Variants in KCNB2 observed in about 807,000 individuals in gnomAD.
KCNB2 encodes potassium voltage-gated channel subfamily B member 2.
In KCNB2, 15 loss-of-function variants were observed where a neutral mutation model predicts 61.5. The observed-to-expected ratio is 0.24, with a 90% confidence interval of 0.16 to 0.38. KCNB2 has a LOEUF of 0.38. Ranked by LOEUF, KCNB2 falls within the 10% of genes least tolerant of loss-of-function variation. KCNB2 has a pLI of 1.00. For missense variants in KCNB2, 828 were observed against 1,125.2 expected, an observed-to-expected ratio of 0.74 and a Z score of 3.78; for synonymous variants, 457 against 446.0, an observed-to-expected ratio of 1.02 and a Z score of -0.31.
chr8:72,689,372 A>G (rs1006194002), intron 2 of KCNB2, among the ~76,000 whole-genome samples: 1 of 152,220 alleles, frequency 6.6e-6, no homozygotes, highest in Non-Finnish European at 1.5e-5. Flanking sequence ...GAACTTTAAC[A>G]TTTTACATTT....
Position 72,635,166 on chromosome 8 carries a change from C to T in KCNB2, c.579+66853C>T, listed in dbSNP as rs192575627. Among the ~76,000 whole-genome samples the T allele has an allele frequency of 1.2e-3, 176 of 152,302 alleles. 1 individual carries two copies. Among genetic ancestry groups the T allele is most frequent in the Non-Finnish European group, 5.0e-4 (34 of 68,036 alleles). ...GCATTCCTGGGGAGGGAACTGCCTG[C>T]CAGTGGTCCTGATTCTGTGTCTGCT... On this transcript the variant is annotated intron_variant, in intron 2 of 2. Coordinates refer to ENST00000523207, the MANE Select transcript of KCNB2 (RefSeq NM_004770.3).
At chr8:72,595,482 C>T (rs371656678) in intron 2 of KCNB2, among the ~76,000 whole-genome samples, 9 of 151,942 alleles carry the variant, frequency 5.9e-5, no homozygotes, top group South Asian at 2.1e-4. Context: ...TGTGCCACCA[C>T]GCCCAGCTAA....
At chr8:72,541,007 A>AT (rs1563517681) in intron 1 of KCNB2, among the ~76,000 whole-genome samples, 1 of 151,512 alleles carries the variant, frequency 6.6e-6, no homozygotes, top group Admixed American at 6.6e-5. Flanking sequence ...GGGGAAAAAA[A>AT]CTTGAAAAAC....
intron 2 of KCNB2, among the ~76,000 whole-genome samples, chr8:72,679,995 G>T (rs1384822923): frequency 6.6e-6 from 1 of 152,164 alleles, no homozygotes; most frequent in Admixed American, 6.5e-5. Context: ...ATTAAGCTAA[G>T]ATCGATAATG....
chr8:72,711,780 G>A (rs1807331140), intron 2 of KCNB2, among the ~76,000 whole-genome samples: 1 of 151,940 alleles, frequency 6.6e-6, no homozygotes, highest in Non-Finnish European at 1.5e-5. Flanking sequence ...TTGAGGTCAG[G>A]AGTTCAAGAC....
intron 2 of KCNB2, among the ~76,000 whole-genome samples, chr8:72,590,548 A>G (rs1400642932): frequency 6.6e-6 from 1 of 152,206 alleles, no homozygotes; most frequent in Non-Finnish European, 1.5e-5. Context: ...TTTCTATCAG[A>G]GCATAATGAG....
At chr8:72,913,919 A>C (rs1585971759) in intron 2 of KCNB2, among the ~76,000 whole-genome samples, 2 of 152,306 alleles carry the variant, frequency 1.3e-5, no homozygotes, top group Non-Finnish European at 2.9e-5. Context: ...TACTTTCCTA[A>C]GTTTTGACTA....
At chr8:72,799,846 C>T (rs1809093709) in intron 2 of KCNB2, among the ~76,000 whole-genome samples, 1 of 152,106 alleles carries the variant, frequency 6.6e-6, no homozygotes. Flanking sequence ...TAGGAAGAGG[C>T]TGTGTTCAAT....
intron 2 of KCNB2, among the ~76,000 whole-genome samples, chr8:72,685,625 G>T (rs1806837734): frequency 6.6e-6 from 1 of 152,156 alleles, no homozygotes; most frequent in Non-Finnish European, 1.5e-5. Flanking sequence ...GAATGTTGAA[G>T]CTAAGACCTG....
chr8:72,709,338 A>G (rs540541090), intron 2 of KCNB2, among the ~76,000 whole-genome samples: 12 of 152,244 alleles, frequency 7.9e-5, no homozygotes, highest in African/African-American at 2.9e-4. Flanking sequence ...TAACTGTGAA[A>G]TTTGGCTAGC....
At chr8:72,872,418 T>G (rs1302307726) in intron 2 of KCNB2, among the ~76,000 whole-genome samples, 1 of 152,218 alleles carries the variant, frequency 6.6e-6, no homozygotes, top group African/African-American at 2.4e-5. Flanking sequence ...TTCTGCAGTT[T>G]TCTCCCTTCC....
At chr8:72,926,803 T>C (rs1806658629) in intron 2 of KCNB2, among the ~76,000 whole-genome samples, 1 of 152,188 alleles carries the variant, frequency 6.6e-6, no homozygotes, top group Non-Finnish European at 1.5e-5. Flanking sequence ...TTCTTTCCCT[T>C]TGCTGCTGCC....
At chr8:72,686,709 A>G (rs559063576) in intron 2 of KCNB2, among the ~76,000 whole-genome samples, 13 of 152,294 alleles carry the variant, frequency 8.5e-5, no homozygotes, top group African/African-American at 3.1e-4. Flanking sequence ...TGGGTGATAA[A>G]TAATTTTCTA....
At chr8:72,884,808 A>T (rs1428066616) in intron 2 of KCNB2, among the ~76,000 whole-genome samples, 2 of 152,164 alleles carry the variant, frequency 1.3e-5, no homozygotes, top group African/African-American at 4.8e-5. Context: ...CACATGTCTT[A>T]GTCACCAAGA....
At chr8:72,865,396 T>C (rs1805500477) in intron 2 of KCNB2, among the ~76,000 whole-genome samples, 1 of 152,094 alleles carries the variant, frequency 6.6e-6, no homozygotes, top group Admixed American at 6.6e-5. Flanking sequence ...ATCTTATTGT[T>C]CTTTTCCGTT....
chr8:72,873,032 T>G (rs558971896), intron 2 of KCNB2, among the ~76,000 whole-genome samples: 123 of 152,296 alleles, frequency 8.1e-4, no homozygotes, highest in African/African-American at 2.9e-3. Flanking sequence ...TAGACTCCAC[T>G]GTGTGCACCG....
chr8:72,851,946 C>A (rs1810124182), intron 2 of KCNB2, among the ~76,000 whole-genome samples: 1 of 149,968 alleles, frequency 6.7e-6, no homozygotes, highest in South Asian at 2.1e-4. Flanking sequence ...GATAAAAGGG[C>A]ACATAGAGGC....
chr8:72,763,124 T>A (rs1401427255), intron 2 of KCNB2, among the ~76,000 whole-genome samples: 1 of 151,512 alleles, frequency 6.6e-6, no homozygotes, highest in Non-Finnish European at 1.5e-5. Flanking sequence ...GCTGAGGAAC[T>A]GATATCAGGT....
chr8:72,805,385 C>T (rs901426836), intron 2 of KCNB2, among the ~76,000 whole-genome samples: 2 of 152,102 alleles, frequency 1.3e-5, no homozygotes, highest in East Asian at 1.9e-4. Flanking sequence ...AAAAAAGATA[C>T]TGTTGCTCTC....
Sources: gnomAD v4.1 joint callset for allele counts (sites outside exome capture counted in the v4.1 genomes callset) on GRCh38, gnomAD v4.1.1 for gene constraint, MANE v1.5 for transcripts, NCBI Gene and HGNC (gene_info 2026-07-23, HGNC 2026-07-21) for gene names.